Variants in FAM13A observed in about 807,000 individuals in gnomAD.
The protein encoded by FAM13A is family with sequence similarity 13 member A, also known as protein FAM13A.
Under a neutral mutation model 129.6 loss-of-function variants are expected in FAM13A, and 76 were observed. The ratio of observed to expected loss-of-function variants is 0.59; its 90% CI spans 0.49 to 0.71. The LOEUF is 0.71. FAM13A is among the 30% of genes least tolerant of loss of function. FAM13A has a pLI of 0.00. For synonymous variants in FAM13A, 443 were observed against 449.9 expected (o/e 0.98, Z 0.20); for missense variants, 1,108 against 1,249.3 (o/e 0.89, Z 1.70).
chr4:89,029,872 T>A, intron 1 of FAM13A: 1 of 559,170 alleles, frequency 1.8e-6, no homozygotes, highest in East Asian at 3.4e-5. Context: ...ACAAATGAAG[T>A]GTGCAGCTAA....
Position 88,728,361 on chromosome 4 carries a change from G to A in FAM13A, c.*172C>T. ...AGTCAGGTCACATTGTCTTCTTCCA[G>A]CCAGTTTCTAAGGCAGGCAATGGAA... On this transcript the variant is annotated 3_prime_UTR_variant, in exon 24 of 24. Coordinates refer to ENST00000264344, the MANE Select transcript of FAM13A (RefSeq NM_014883.4). The A allele has an allele frequency of 1.4e-6, 1 of 726,786 alleles. No homozygotes were observed. 45.0% of individuals were successfully genotyped at this position (726,786 alleles called of 1,614,324 possible).
At chr4:88,896,010 G>A (rs79650359) in intron 6 of FAM13A, among the ~76,000 whole-genome samples, 19,808 of 145,324 alleles carry the variant, frequency 0.14, 1,536 homozygotes, top group Non-Finnish European at 0.2. Flanking sequence ...GCAAAGACTT[G>A]GAACCAACCC....
At chr4:88,731,894 A>T in intron 22 of FAM13A, 108 bp downstream of exon 22, 1 of 855,786 alleles carries the variant, frequency 1.2e-6, no homozygotes, top group Non-Finnish European at 1.8e-6. Flanking sequence ...CACCCCAGGT[A>T]GTCACTTGTA....
At chr4:88,847,899 G>C (rs958461203) in intron 7 of FAM13A, among the ~76,000 whole-genome samples, 1 of 151,758 alleles carries the variant, frequency 6.6e-6, no homozygotes, top group Admixed American at 6.6e-5. Context: ...ATTGCAGTGA[G>C]CAGAGATCGA....
intron 7 of FAM13A, among the ~76,000 whole-genome samples, chr4:88,847,283 C>T (rs1736798300): frequency 1.3e-5 from 2 of 151,946 alleles, no homozygotes; most frequent in African/African-American, 2.4e-5. Flanking sequence ...TTTGAGAGGC[C>T]AAGGTGGTTA....
intron 4 of FAM13A, among the ~76,000 whole-genome samples, chr4:88,976,919 G>A (rs1402777270): frequency 1.3e-5 from 2 of 152,104 alleles, no homozygotes; most frequent in Non-Finnish European, 2.9e-5. Flanking sequence ...GTGTACAGCT[G>A]TGTAGCCTAG....
rs773764813 is a variant in FAM13A, at chr4:88,961,347, C to CTT, written c.606-23108_606-23107dup. ...AAATCCTCAGCTTTGTGGAATTTGC[C>CTT]TTTTTTTTTTTTTTTTTTTTTTTTT... On this transcript the variant is annotated intron_variant, in intron 4 of 23. Transcript: ENST00000264344. 6.2e-3 allele frequency among the ~76,000 whole-genome samples: 343 copies of CTT among 55,428 alleles called. 104 individuals are homozygous for CTT. Among genetic ancestry groups the CTT allele is most frequent in the Middle Eastern group, 0.016 (1 of 64 alleles). The allele number at this position is 55,428 out of a possible 152,430, so 36.4% of individuals were successfully genotyped here.
intron 11 of FAM13A, among the ~76,000 whole-genome samples, chr4:88,780,239 G>T (rs1722584957): frequency 6.6e-6 from 1 of 152,066 alleles, no homozygotes; most frequent in African/African-American, 2.4e-5. Context: ...GGAAAAATTA[G>T]AAATCTTCTC....
chr4:88,767,341 T>C (rs998003821), intron 13 of FAM13A, among the ~76,000 whole-genome samples: 3 of 152,220 alleles, frequency 2.0e-5, no homozygotes, highest in African/African-American at 7.2e-5. Context: ...AAGTTTATCA[T>C]CATAAGCAAA....
At chr4:88,760,887 T>C (rs1378164927) in intron 13 of FAM13A, among the ~76,000 whole-genome samples, 3 of 152,076 alleles carry the variant, frequency 2.0e-5, no homozygotes, top group East Asian at 1.9e-4. Flanking sequence ...AGTAAGAATA[T>C]GCATACAGCA....
intron 1 of FAM13A, among the ~76,000 whole-genome samples, chr4:89,035,006 A>ATT (rs774702222): frequency 1.2e-3 from 182 of 152,372 alleles, no homozygotes; most frequent in Non-Finnish European, 1.9e-3. Context: ...GAATAGATAA[A>ATT]GAAAATATGG....
chr4:88,872,885 G>T (rs1741678600), intron 6 of FAM13A, among the ~76,000 whole-genome samples: 1 of 152,118 alleles, frequency 6.6e-6, no homozygotes, highest in African/African-American at 2.4e-5. Flanking sequence ...CCACATAGTT[G>T]GAAGTAAAGC....
chr4:88,976,291 CT>C, intron 4 of FAM13A, among the ~76,000 whole-genome samples: 1 of 152,114 alleles, frequency 6.6e-6, no homozygotes, highest in Admixed American at 6.5e-5. Context: ...TCACTGCATT[CT>C]CACAGATAAT....
At chr4:88,848,553 T>C (rs1255906726) in intron 7 of FAM13A, among the ~76,000 whole-genome samples, 3 of 152,180 alleles carry the variant, frequency 2.0e-5, no homozygotes, top group Admixed American at 2.0e-4. Flanking sequence ...GGACAAAGAC[T>C]CATCCACACC....
chr4:88,747,805 C>A lies in FAM13A; in HGVS notation c.2208G>T (p.Arg736=). The A allele has an allele frequency of 6.2e-7, 1 of 1,614,170 alleles. No individual in the cohort carries two copies. Among genetic ancestry groups the A allele is most frequent in the Non-Finnish European group, 8.5e-7 (1 of 1,179,982 alleles). ...ISEEDLTPRM[R]QRSNTLPKSF... is the part of the protein sequence containing the mutation. ...TCTTGGGGAGTGTGTTGCTTCGCTG[C>A]CGCATCCTGGGAGTTAGGTCCTCTT... The change falls in exon 18 of 24, where the codon CGG becomes CGT. Residue 736 remains arginine (R), a synonymous_variant. Transcript: ENST00000264344.
chr4:88,876,153 CTG>C (rs1742418049), intron 6 of FAM13A, among the ~76,000 whole-genome samples: 1 of 151,908 alleles, frequency 6.6e-6, no homozygotes, highest in Non-Finnish European at 1.5e-5. Context: ...GGATGGGGGG[CTG>C]GGGGAGGGAT....
chr4:88,839,943 G>A (rs1053898683), intron 7 of FAM13A, among the ~76,000 whole-genome samples: 10 of 152,218 alleles, frequency 6.6e-5, no homozygotes, highest in African/African-American at 2.4e-4. Context: ...GGAGGCTTAT[G>A]AGTAAAGATA....
chr4:89,036,325 G>A (rs966382713), intron 1 of FAM13A, among the ~76,000 whole-genome samples: 9 of 152,270 alleles, frequency 5.9e-5, no homozygotes, highest in Admixed American at 2.6e-4. Flanking sequence ...CTCTAGGGAT[G>A]TGTGAAACTT....
intron 7 of FAM13A, among the ~76,000 whole-genome samples, chr4:88,836,007 T>A (rs543092804): frequency 7.6e-6 from 1 of 131,946 alleles, no homozygotes; most frequent in African/African-American, 3.3e-5. Flanking sequence ...TAAAACAAAT[T>A]TTTTTTGCAT....
Sources: gnomAD v4.1 joint callset for allele counts (sites outside exome capture counted in the v4.1 genomes callset) on GRCh38, gnomAD v4.1.1 for gene constraint, MANE v1.5 for transcripts, NCBI Gene and HGNC (gene_info 2026-07-23, HGNC 2026-07-21) for gene names.